TEKTL1: variants seen among roughly 807,000 people sequenced by gnomAD.
TEKTL1 encodes the protein tektin-like protein 1.
the TEKTL1 span, chr19:15,023,033 G>A: frequency 9.9e-6 from 16 of 1,612,634 alleles, no homozygotes; most frequent in South Asian, 1.3e-4. Flanking sequence ...GCAACCGCAC[G>A]TGTGCTACGA....
the TEKTL1 span, chr19:15,022,742 C>T: frequency 2.2e-6 from 2 of 899,364 alleles, no homozygotes; most frequent in Non-Finnish European, 3.2e-6. Context: ...TTTCCAGGCA[C>T]ACCTGGCCCA....
chr19:15,020,589 C>T, the TEKTL1 span: 1 of 1,614,096 alleles, frequency 6.2e-7, no homozygotes, highest in Non-Finnish European at 8.5e-7. Flanking sequence ...TGAACCTCTC[C>T]CGAGCCCCCA....
At chr19:15,022,004 T>G in the TEKTL1 span, 5 of 1,069,178 alleles carry the variant, frequency 4.7e-6, no homozygotes, top group Admixed American at 1.1e-4. Context: ...CCAGGTATGA[T>G]CCCCCTCTCA....
chr19:15,012,217 G>A, the TEKTL1 span, among the ~76,000 whole-genome samples: 1 of 151,828 alleles, frequency 6.6e-6, no homozygotes, highest in South Asian at 2.1e-4. Flanking sequence ...CTATAATCAG[G>A]CCAACCGCAA....
At chr19:15,014,064 G>T in the TEKTL1 span, among the ~76,000 whole-genome samples, 2 of 152,146 alleles carry the variant, frequency 1.3e-5, no homozygotes, top group African/African-American at 4.8e-5. Context: ...CCTCAATAGA[G>T]ATGGGAAAAT....
At chr19:15,018,007 C>A in the TEKTL1 span, among the ~76,000 whole-genome samples, 1 of 152,166 alleles carries the variant, frequency 6.6e-6, no homozygotes, top group Non-Finnish European at 1.5e-5. Context: ...CTAGCCTGAG[C>A]AACATAGCAT....
At chr19:15,020,850 G>A in the TEKTL1 span, among the ~76,000 whole-genome samples, 25 of 150,334 alleles carry the variant, frequency 1.7e-4, no homozygotes, top group Admixed American at 1.3e-3. Flanking sequence ...GCCCACACTC[G>A]CTGAGGACTC....
the TEKTL1 span, chr19:15,020,501 A>C: frequency 1.2e-6 from 2 of 1,613,546 alleles, no homozygotes; most frequent in African/African-American, 2.7e-5. Flanking sequence ...TTCTGCTTCA[A>C]GGAGCGGCTC....
the TEKTL1 span, among the ~76,000 whole-genome samples, chr19:15,016,930 G>T: frequency 3.3e-5 from 5 of 152,244 alleles, no homozygotes; most frequent in East Asian, 9.7e-4. Flanking sequence ...AACTCGGCTG[G>T]GTGCAGCGGC....
chr19:15,011,050 G>T, the TEKTL1 span: 1 of 1,578,498 alleles, frequency 6.3e-7, no homozygotes, highest in Non-Finnish European at 8.6e-7. Context: ...GCTTCCGCGT[G>T]GAGATGATCA....
the TEKTL1 span, chr19:15,011,271 G>T: frequency 6.6e-7 from 1 of 1,520,898 alleles, no homozygotes; most frequent in Non-Finnish European, 8.8e-7. Flanking sequence ...CAGATTAACG[G>T]GCGGGTGCGA....
chr19:15,018,956 G>GT, the TEKTL1 span, among the ~76,000 whole-genome samples: 1 of 151,330 alleles, frequency 6.6e-6, no homozygotes, highest in African/African-American at 2.4e-5. Flanking sequence ...GGTTGTTTTT[G>GT]TTTTTGTTTT....
the TEKTL1 span, among the ~76,000 whole-genome samples, chr19:15,020,828 C>T: frequency 1.3e-5 from 2 of 151,960 alleles, no homozygotes; most frequent in South Asian, 4.2e-4. Flanking sequence ...GCTTTTCCCC[C>T]TGCACTCTCC....
the TEKTL1 span, chr19:15,011,129 CCGCCCGCCTGGTA>C: frequency 2.0e-6 from 3 of 1,533,516 alleles, no homozygotes; most frequent in Middle Eastern, 2.0e-4. Context: ...CAAGATGAAG[CCGCCCGCCTGGTA>C]CGCCCGCCTG....
chr19:15,022,023 G>A, the TEKTL1 span: 2 of 904,122 alleles, frequency 2.2e-6, no homozygotes, highest in Non-Finnish European at 3.4e-6. Context: ...CACCCAAGTC[G>A]GCCTGTCCTT....
At chr19:15,013,437 G>A in the TEKTL1 span, among the ~76,000 whole-genome samples, 1 of 152,044 alleles carries the variant, frequency 6.6e-6, no homozygotes, top group Non-Finnish European at 1.5e-5. Context: ...CTGTAAAAGA[G>A]AGACGCCCCC....
the TEKTL1 span, among the ~76,000 whole-genome samples, chr19:15,015,965 C>T: frequency 6.6e-6 from 1 of 152,264 alleles, no homozygotes; most frequent in African/African-American, 2.4e-5. Context: ...TGACTCCAGG[C>T]AGGCTCCTCA....
At chr19:15,013,894 C>CAGAT in the TEKTL1 span, 1 of 640,530 alleles carries the variant, frequency 1.6e-6, no homozygotes, top group Non-Finnish European at 2.8e-6. Context: ...CCACACTGAC[C>CAGAT]AGATATTCAC....
the TEKTL1 span, chr19:15,021,696 C>A: frequency 2.5e-6 from 4 of 1,613,870 alleles, no homozygotes; most frequent in African/African-American, 5.3e-5. Context: ...TGTACACCAC[C>A]CACGGTCTCA....
Sources: allele counts gnomAD v4.1 joint callset (sites outside exome capture counted in the v4.1 genomes callset), GRCh38; gene constraint gnomAD v4.1.1; transcripts MANE v1.5; gene names NCBI Gene and HGNC (gene_info 2026-07-23, HGNC 2026-07-21).